Variants in NRXN2 observed in about 807,000 individuals in gnomAD.
NRXN2 encodes neurexin-2-beta.
Under a neutral mutation model 128.8 loss-of-function variants are expected in NRXN2, and 29 were observed. That is an observed-to-expected ratio of 0.23 (90% CI 0.17 to 0.31). The LOEUF (loss-of-function observed/expected upper bound fraction) is 0.31. Among genes scored for constraint, NRXN2 ranks in the 10% least tolerant of loss-of-function variants. The pLI, the probability that NRXN2 is intolerant of heterozygous loss-of-function variation, is 1.00. For synonymous variants in NRXN2, 1,098 were observed against 1,075.2 expected (o/e 1.02, Z -0.41); for missense variants, 1,881 against 2,452.6 (o/e 0.77, Z 4.92).
intron 22 of NRXN2, among the ~76,000 whole-genome samples, chr11:64,614,419 C>G (rs1030159430): frequency 6.6e-6 from 1 of 152,232 alleles, no homozygotes; most frequent in Non-Finnish European, 1.5e-5. Context: ...TCTGCATGAG[C>G]AGGGGTGGGC....
chr11:64,677,062 G>A, intron 6 of NRXN2, 25 bp from the exon 7 acceptor site: 1 of 1,433,614 alleles, frequency 7.0e-7, no homozygotes, highest in Non-Finnish European at 9.4e-7. Flanking sequence ...TGGGGGGATG[G>A]GGAGGAGGGG....
chr11:64,682,134 GATTCCATCTTTGGGT>G (rs1366893029), intron 6 of NRXN2, among the ~76,000 whole-genome samples: 2 of 151,502 alleles, frequency 1.3e-5, no homozygotes, highest in Non-Finnish European at 2.9e-5. Flanking sequence ...CATTCTTGGG[GATTCCATCTTTGGGT>G]ATTCCATCCT....
chr11:64,646,068 C>G (rs563241048), intron 17 of NRXN2, among the ~76,000 whole-genome samples: 16 of 152,138 alleles, frequency 1.1e-4, no homozygotes, highest in Non-Finnish European at 1.6e-4. Flanking sequence ...GGATTGGGTC[C>G]CACTCCCAAG....
intron 6 of NRXN2, among the ~76,000 whole-genome samples, chr11:64,680,993 A>C (rs1714864670): frequency 6.6e-6 from 1 of 150,734 alleles, no homozygotes; most frequent in Non-Finnish European, 1.5e-5. Flanking sequence ...GCTACTCAGG[A>C]GGCTGAGGCA....
At chr11:64,678,769 T>TA (rs2051726714) in intron 6 of NRXN2, among the ~76,000 whole-genome samples, 1 of 152,088 alleles carries the variant, frequency 6.6e-6, no homozygotes, top group South Asian at 2.1e-4. Flanking sequence ...TGATGCCTGT[T>TA]AAATACTAAA....
At chr11:64,616,837 G>A (rs1012605640) in intron 22 of NRXN2, among the ~76,000 whole-genome samples, 7 of 152,200 alleles carry the variant, frequency 4.6e-5, no homozygotes, top group Non-Finnish European at 7.4e-5. Flanking sequence ...CACAATATGT[G>A]TGCCTTGGTG....
Position 64,651,316 on chromosome 11 carries a change from C to T in NRXN2, c.2857G>A (p.Gly953Arg). ...FFQFKTTAPD[G>R]LLLFNSGNGN... ...TTGCCCGAGTTGAACAGAAGAAGCC[C>T]ATCAGGGGCCGTGGTCTTGAACTGG... is the stretch of plus-strand genomic sequence containing the variant. The change falls in exon 14 of 23, where the codon GGG becomes AGG. Residue 953 changes from glycine to arginine, a missense_variant. This residue lies in a region of NRXN2 where 390 missense variants were observed against 599.6 expected (regional missense o/e 0.65). Coordinates refer to ENST00000265459, the MANE Select transcript of NRXN2 (RefSeq NM_015080.4). The surrounding 1 kb of genome is among the most constrained non-coding windows in gnomAD (Gnocchi z 5.9). The T allele has an allele frequency of 6.2e-7, 1 of 1,614,214 alleles. No homozygotes were observed.
chr11:64,721,685 G>A (rs1016755254), intron 1 of NRXN2, among the ~76,000 whole-genome samples: 1 of 152,038 alleles, frequency 6.6e-6, no homozygotes, highest in Non-Finnish European at 1.5e-5. Flanking sequence ...GACAGAGAAA[G>A]TAAGACCCTA....
intron 1 of NRXN2, among the ~76,000 whole-genome samples, chr11:64,716,825 G>A (rs966318738): frequency 3.9e-5 from 6 of 152,116 alleles, no homozygotes; most frequent in Non-Finnish European, 7.4e-5. Flanking sequence ...GCAGCTTCAC[G>A]CTTGCCAGGT....
intron 19 of NRXN2, among the ~76,000 whole-genome samples, chr11:64,629,109 G>C (rs2043497106): frequency 1.3e-5 from 2 of 152,214 alleles, no homozygotes; most frequent in Non-Finnish European, 2.9e-5. Context: ...GTGAGCCCAT[G>C]AAAGTTTACA....
chr11:64,719,081 A>G (rs1337965208), intron 1 of NRXN2, among the ~76,000 whole-genome samples: 1 of 152,138 alleles, frequency 6.6e-6, no homozygotes, highest in East Asian at 1.9e-4. Flanking sequence ...CTCCTAGTAC[A>G]CTGCCTGGCA....
In NRXN2 at chr11:64,669,492, C is replaced by A. The variant is rs577230791; in HGVS notation, c.1198-888G>T. On this transcript the variant is annotated intron_variant, in intron 7 of 22. Transcript: ENST00000265459. ...GGGCTAACTTAATGAATACCTTGCC[C>A]CTGGGCTGAAAGTTCAGTAAGAAAG... Among the ~76,000 whole-genome samples the A allele has an allele frequency of 4.6e-5, 7 of 152,232 alleles. No homozygotes were observed. The South Asian group carries it at 1.2e-3, about 27-fold the overall frequency.
rs191553716 is a variant in NRXN2, at chr11:64,622,293, C to T, written c.4173+460G>A. On this transcript the variant is annotated intron_variant, in intron 21 of 22. Transcript: ENST00000265459. This position sits in a 1 kb window ranked among gnomAD's most constrained non-coding sequence, Gnocchi z 4.3. ...AGGGGCTGCCCATGCCAGGTGACTG[C>T]ATCCAGCCCTCCCATGCTGTCACCC... Among the ~76,000 whole-genome samples the T allele has an allele frequency of 1.6e-3, 247 of 152,302 alleles. No homozygotes were observed. Among genetic ancestry groups the T allele is most frequent in the African/African-American group, 5.9e-3 (244 of 41,554 alleles).
At chr11:64,690,227 A>G (rs2053615900) in intron 5 of NRXN2, among the ~76,000 whole-genome samples, 178 bp downstream of exon 5, 1 of 152,220 alleles carries the variant, frequency 6.6e-6, no homozygotes, top group Non-Finnish European at 1.5e-5. Flanking sequence ...GGCCCTTCAC[A>G]TCAGGGCAGC....
intron 2 of NRXN2, among the ~76,000 whole-genome samples, chr11:64,705,630 C>G (rs1336814514): frequency 6.6e-6 from 1 of 152,054 alleles, no homozygotes; most frequent in African/African-American, 2.4e-5. Context: ...TCTCTACACA[C>G]ACACAGCTCC....
At chr11:64,611,247 C>T (rs2040593089) in intron 22 of NRXN2, among the ~76,000 whole-genome samples, 1 of 152,192 alleles carries the variant, frequency 6.6e-6, no homozygotes, top group East Asian at 1.9e-4. Context: ...GCCAGAGCAG[C>T]TGAGTTCTAA....
chr11:64,662,171 T>C (rs1470004167), intron 9 of NRXN2, among the ~76,000 whole-genome samples: 1 of 150,218 alleles, frequency 6.7e-6, no homozygotes, highest in East Asian at 2.0e-4. Flanking sequence ...GGCAGGAGAA[T>C]CACTTGAACC....
chr11:64,652,970 C>T (rs2047691141), intron 12 of NRXN2, among the ~76,000 whole-genome samples: 1 of 151,686 alleles, frequency 6.6e-6, no homozygotes, highest in African/African-American at 2.4e-5. Context: ...ATGCCACACA[C>T]ACATGAAGAG....
chr11:64,661,405 C>T (rs1455856851), intron 9 of NRXN2: 1 of 1,381,400 alleles, frequency 7.2e-7, no homozygotes, highest in Admixed American at 3.0e-5. Flanking sequence ...CATACCCCTC[C>T]TCCCCACCTC....
Sources: gnomAD v4.1 joint callset for allele counts (sites outside exome capture counted in the v4.1 genomes callset) on GRCh38, gnomAD v4.1.1 for gene constraint, gnomAD v4.1.1 regional missense constraint, Gnocchi (gnomAD v3.1) non-coding constraint, MANE v1.5 for transcripts, NCBI Gene and HGNC (gene_info 2026-07-23, HGNC 2026-07-21) for gene names.